The following PIK3C3 variants were observed in gnomAD, a reference collection of about 807,000 sequenced individuals.
PIK3C3 encodes PI3-kinase type 3.
Under a neutral mutation model 126.1 loss-of-function variants are expected in PIK3C3, and 95 were observed. The ratio of observed to expected loss-of-function variants is 0.75; its 90% CI spans 0.64 to 0.89. The LOEUF (loss-of-function observed/expected upper bound fraction) is 0.89. PIK3C3 is among the 40% of genes least tolerant of loss of function. The pLI, the probability that PIK3C3 is intolerant of heterozygous loss-of-function variation, is 0.00. For synonymous variants in PIK3C3, 374 were observed against 360.0 expected, an observed-to-expected ratio of 1.04 and a Z score of -0.44; for missense variants, 829 against 1,063.2, an observed-to-expected ratio of 0.78 and a Z score of 3.06.
intron 3 of PIK3C3, among the ~76,000 whole-genome samples, chr18:41,969,864 A>G (rs1016281298): frequency 6.6e-6 from 1 of 152,232 alleles, no homozygotes; most frequent in African/African-American, 2.4e-5. Context: ...TTATGTGGGT[A>G]ATAGCACAGC....
intron 9 of PIK3C3, among the ~76,000 whole-genome samples, chr18:42,002,413 AC>A (rs1262448485): frequency 2.6e-5 from 4 of 152,288 alleles, no homozygotes; most frequent in African/African-American, 9.6e-5. Context: ...TCTAGTTGAA[AC>A]CACTTTGTAA....
chr18:41,983,350 A>C (rs892751493), intron 4 of PIK3C3, among the ~76,000 whole-genome samples: 3 of 151,782 alleles, frequency 2.0e-5, no homozygotes, highest in Non-Finnish European at 4.4e-5. Context: ...GACCAAGGGC[A>C]GGAATCTTTT....
At chr18:42,015,344 T>A in intron 11 of PIK3C3, 132 bp from the exon 12 acceptor site, 1 of 664,060 alleles carries the variant, frequency 1.5e-6, no homozygotes, top group Non-Finnish European at 2.6e-6. Context: ...ACTCTAGTGT[T>A]GCACAGAACA....
intron 24 of PIK3C3, among the ~76,000 whole-genome samples, chr18:42,076,125 C>CACATAT (rs1985988220): frequency 2.3e-4 from 11 of 47,672 alleles, no homozygotes; most frequent in African/African-American, 1.8e-3. Context: ...TATATATGCG[C>CACATAT]ATATATATAT....
At chr18:42,027,201 G>A (rs1460691132) in intron 13 of PIK3C3, 1 of 225,526 alleles carries the variant, frequency 4.4e-6, no homozygotes, top group African/African-American at 2.3e-5. Flanking sequence ...AAAAGTTTTA[G>A]AAAATTTGGG....
chr18:41,989,225 G>C (rs1437464219), intron 5 of PIK3C3, among the ~76,000 whole-genome samples: 1 of 151,920 alleles, frequency 6.6e-6, no homozygotes, highest in Non-Finnish European at 1.5e-5. Flanking sequence ...AGGACTACAG[G>C]CCTGGCTAAT....
At chr18:41,968,907 TC>T (rs1980509154) in intron 3 of PIK3C3, among the ~76,000 whole-genome samples, 3 of 152,034 alleles carry the variant, frequency 2.0e-5, no homozygotes, top group African/African-American at 7.2e-5. Flanking sequence ...AGCCTGGTCT[TC>T]CCAGGCTTAA....
intron 10 of PIK3C3, among the ~76,000 whole-genome samples, chr18:42,009,773 A>G (rs1018159046): frequency 6.6e-6 from 1 of 151,840 alleles, no homozygotes; most frequent in African/African-American, 2.4e-5. Context: ...TGCTTACATA[A>G]TGTAAGCATT....
intron 13 of PIK3C3, chr18:42,026,623 A>G (rs979948744): frequency 6.6e-6 from 1 of 151,942 alleles, no homozygotes; most frequent in African/African-American, 2.4e-5. Flanking sequence ...CTTGGCTTAT[A>G]TTTAATTTTT....
At chr18:42,025,188 G>T (rs1343010709) in intron 13 of PIK3C3, 1 of 152,158 alleles carries the variant, frequency 6.6e-6, no homozygotes, top group Non-Finnish European at 1.5e-5. Flanking sequence ...AGATACAGCA[G>T]TGAGCCCCTA....
intron 9 of PIK3C3, among the ~76,000 whole-genome samples, chr18:42,002,886 A>C (rs1446876893): frequency 1.3e-5 from 2 of 152,216 alleles, no homozygotes; most frequent in Non-Finnish European, 2.9e-5. Context: ...ATTGAAAGGA[A>C]CTGGAATGGA....
At chr18:42,031,584 C>T (rs1173215438) in intron 15 of PIK3C3, among the ~76,000 whole-genome samples, 3 of 152,176 alleles carry the variant, frequency 2.0e-5, no homozygotes, top group Admixed American at 2.0e-4. Flanking sequence ...ACCACCACGC[C>T]TGGCTAATTT....
intron 24 of PIK3C3, among the ~76,000 whole-genome samples, chr18:42,072,472 C>T (rs1404623110): frequency 2.0e-5 from 3 of 152,076 alleles, no homozygotes; most frequent in Non-Finnish European, 4.4e-5. Context: ...ACAAATTTTC[C>T]ACTGGAAAAC....
At chr18:42,072,280 G>A (rs1490542994) in intron 24 of PIK3C3, among the ~76,000 whole-genome samples, 2 of 152,062 alleles carry the variant, frequency 1.3e-5, no homozygotes, top group Non-Finnish European at 2.9e-5. Context: ...CATGCTTAAA[G>A]AATTACAGAT....
intron 2 of PIK3C3, among the ~76,000 whole-genome samples, chr18:41,961,307 T>C (rs1036688342): frequency 6.6e-6 from 1 of 152,248 alleles, no homozygotes; most frequent in African/African-American, 2.4e-5. Context: ...GTTTATTCAT[T>C]GGCAAAAGTT....
chr18:41,970,805 CTGTTCTGGAA>C, intron 4 of PIK3C3: 1 of 388,458 alleles, frequency 2.6e-6, no homozygotes, highest in Non-Finnish European at 4.6e-6. Flanking sequence ...ATGGATTTGC[CTGTTCTGGAA>C]ATTTCATATA....
At chr18:42,044,425 T>C (rs1370903366) in intron 20 of PIK3C3, among the ~76,000 whole-genome samples, 2 of 152,070 alleles carry the variant, frequency 1.3e-5, no homozygotes, top group East Asian at 1.9e-4. Context: ...CCTTTTTTCC[T>C]GGAGACAGGA....
intron 3 of PIK3C3, among the ~76,000 whole-genome samples, chr18:41,964,684 G>C (rs1161869790): frequency 1.3e-5 from 2 of 151,734 alleles, no homozygotes; most frequent in African/African-American, 4.8e-5. Flanking sequence ...GGTTTGTTTT[G>C]GCAGATACAT....
chr18:42,049,641 A>G, intron 21 of PIK3C3, 36 bp downstream of exon 21: 1 of 1,448,802 alleles, frequency 6.9e-7, no homozygotes, highest in South Asian at 1.1e-5. Context: ...CATACATTGT[A>G]TATGCCCATG....
Sources: gnomAD v4.1 joint callset for allele counts (sites outside exome capture counted in the v4.1 genomes callset) on GRCh38, gnomAD v4.1.1 for gene constraint, MANE v1.5 for transcripts, NCBI Gene and HGNC (gene_info 2026-07-23, HGNC 2026-07-21) for gene names.